TBX21: variants seen among roughly 807,000 people sequenced by gnomAD.
TBX21 encodes T-box transcription factor TBX21.
A neutral mutation model predicts 52.2 loss-of-function variants in TBX21; 11 were observed. The ratio of observed to expected loss-of-function variants is 0.21; its 90% confidence interval spans 0.13 to 0.35. The LOEUF (loss-of-function observed/expected upper bound fraction) is 0.35. Ranked by LOEUF, TBX21 falls within the 10% of genes least tolerant of loss-of-function variation. TBX21 has a pLI of 1.00. For synonymous variants in TBX21, 300 were observed against 316.1 expected (o/e 0.95, Z 0.54); for missense variants, 625 against 755.1 (o/e 0.83, Z 2.02).
rs377572677 is a variant in TBX21, at chr17:47,744,871, C to T, written c.1113C>T (p.Pro371=). 33 of 1,614,118 alleles carry T rather than the reference C, an allele frequency of 2.0e-5. No homozygotes were observed. The highest frequency in any genetic ancestry group is 8.3e-5 in the Admixed American group (5 of 60,006). Residue 371 remains proline (P), a synonymous_variant, in exon 6 of 6, where the codon CCC becomes CCT. Coordinates refer to ENST00000177694, the MANE Select transcript of TBX21 (RefSeq NM_013351.2). The part of the protein sequence containing the change: ...NQYPVPSRFY[P]DLPGQAKDVV... ...ATCCTGTTCCCAGCCGCTTCTACCCCGACCTTCCTGGCCAGGCGAAGGATG... is the reference window on the plus strand; with the variant it reads ...ATCCTGTTCCCAGCCGCTTCTACCCTGACCTTCCTGGCCAGGCGAAGGATG...
intron 1 of TBX21, among the ~76,000 whole-genome samples, chr17:47,736,399 A>G (rs1167985070): frequency 6.6e-6 from 1 of 152,154 alleles, no homozygotes; most frequent in South Asian, 2.1e-4. Context: ...TTTAAAATGA[A>G]TGCATTACCA....
At chr17:47,734,304 C>G (rs1035266033) in intron 1 of TBX21, among the ~76,000 whole-genome samples, 3 of 152,134 alleles carry the variant, frequency 2.0e-5, no homozygotes, top group African/African-American at 7.2e-5. Context: ...AGCCTGTGCT[C>G]TGGGCGGACA....
At chr17:47,734,528 C>T (rs1213319834) in intron 1 of TBX21, among the ~76,000 whole-genome samples, 1 of 144,230 alleles carries the variant, frequency 6.9e-6, no homozygotes, top group Non-Finnish European at 1.5e-5. Context: ...GTTTCCTTTC[C>T]GGTCTTACTT....
Position 47,744,929 on chromosome 17 carries a change from C to T in TBX21, c.1171C>T (p.Arg391Trp), listed in dbSNP as rs778987598. 27 of 1,614,014 alleles carry T rather than the reference C, an allele frequency of 1.7e-5. No homozygotes were observed. The highest frequency in any genetic ancestry group is 4.5e-5 in the East Asian group (2 of 44,882). Residue 391 changes from arginine (R) to tryptophan (W), a missense_variant, in exon 6 of 6, where the codon CGG becomes TGG. By Grantham distance (101) the Arg-to-Trp change is moderately radical. This residue lies in a region of TBX21 where 261 missense variants were observed against 275.1 expected (regional missense o/e 0.95). Coordinates refer to ENST00000177694, the MANE Select transcript of TBX21 (RefSeq NM_013351.2). ...VPQAYWLGAPRDHSYEAEFRA... is the reference protein window; with the variant it reads ...VPQAYWLGAPWDHSYEAEFRA... ...CCAGGCTTACTGGCTGGGGGCCCCC[C>T]GGGACCACAGCTATGAGGCTGAGTT...
intron 3 of TBX21, 118 bp from the exon 4 acceptor site, chr17:47,744,077 T>A: frequency 7.7e-7 from 1 of 1,295,058 alleles, no homozygotes; most frequent in Non-Finnish European, 1.1e-6. Flanking sequence ...AGCAGGGGAA[T>A]GGACAGGATG....
intron 1 of TBX21, among the ~76,000 whole-genome samples, chr17:47,734,515 C>T (rs925898059): frequency 2.8e-5 from 4 of 145,302 alleles, no homozygotes; most frequent in African/African-American, 1.0e-4. Flanking sequence ...AAGCAGTCGC[C>T]AAGTTTCCTT....
Position 47,744,256 on chromosome 17 carries a change from A to T in TBX21, c.830A>T (p.Asp277Val). 6.2e-7 allele frequency: 1 copy of T among 1,614,226 alleles called. No homozygotes were observed. Among genetic ancestry groups the T allele is most frequent in the Non-Finnish European group, 8.5e-7 (1 of 1,180,040 alleles). Residue 277 changes from aspartate to valine, a missense_variant, in exon 4 of 6, where the codon GAC becomes GTC. Asp to Val is a radical substitution (Grantham distance 152). Transcript: ENST00000177694. ...CGGCTGCATATCGTTGAGGTGAACG[A>T]CGGAGAGCCAGAGGCAGCCTGCAAC... ...QPRLHIVEVN[D>V]GEPEAACNAS...
Position 47,733,807 on chromosome 17 carries a change from A to T in TBX21, c.353A>T (p.Tyr118Phe). 1.3e-6 allele frequency: 2 copies of T among 1,591,286 alleles called. No homozygotes were observed. The highest frequency in any genetic ancestry group is 1.7e-6 in the Non-Finnish European group (2 of 1,170,016). Reference sequence around the variant, plus strand: ...GCCCCGGACCCGCGCGCCGGGCTCTACCCGGGGCCGCGTGAGGACTACGCG... The same window carrying T: ...GCCCCGGACCCGCGCGCCGGGCTCTTCCCGGGGCCGCGTGAGGACTACGCG... Reference protein sequence around the residue: ...YAAPDPRAGLYPGPREDYALP... With the variant: ...YAAPDPRAGLFPGPREDYALP... The change falls in exon 1 of 6, where the codon TAC (tyrosine) becomes TTC (phenylalanine). Residue 118 changes from tyrosine (Y) to phenylalanine (F), a missense_variant. Physicochemically the swap from Tyr to Phe is conservative, Grantham distance 22. Coordinates refer to ENST00000177694, the MANE Select transcript of TBX21 (RefSeq NM_013351.2). The surrounding 1 kb of genome is among the most constrained non-coding windows in gnomAD (Gnocchi z 6.6).
Position 47,733,697 on chromosome 17 carries a change from C to A in TBX21, c.243C>A (p.Pro81=). 6 of 1,421,568 alleles carry A rather than the reference C, an allele frequency of 4.2e-6. No homozygotes were observed. The highest frequency in any genetic ancestry group is 5.5e-6 in the Non-Finnish European group (6 of 1,088,790). 88.1% of individuals were successfully genotyped at this position (1,421,568 alleles called of 1,614,324 possible). ...FLGAYAYPPR[P]QAAGFPGAGE... Reference sequence around the variant, plus strand: ...GAGCCTACGCCTACCCGCCGCGACCCCAGGCGGCCGGCTTCCCCGGCGCGG... The same window carrying A: ...GAGCCTACGCCTACCCGCCGCGACCACAGGCGGCCGGCTTCCCCGGCGCGG... Residue 81 remains proline, a synonymous_variant, in exon 1 of 6, where the codon CCC becomes CCA. Transcript: ENST00000177694. This position sits in a 1 kb window ranked among gnomAD's most constrained non-coding sequence, Gnocchi z 6.6.
chr17:47,738,836 G>C (rs1448212969), intron 1 of TBX21, among the ~76,000 whole-genome samples: 1 of 151,986 alleles, frequency 6.6e-6, no homozygotes, highest in East Asian at 1.9e-4. Context: ...CCTGACCTCA[G>C]GTGATCCACC....
rs768130755 is a variant in TBX21 at position 47,745,237 on chromosome 17, C to T, written c.1479C>T (p.Gly493=). Residue 493 remains glycine (G), a synonymous_variant, in exon 6 of 6, where the codon GGC becomes GGT. Transcript: ENST00000177694. ...CGGAATCCAGTGATTCAGGACTGGG[C>T]GAAGGAGACTCTAAGAGGAGGCGCG... ...IRPESSDSGL[G]EGDSKRRRVS... 9.9e-6 allele frequency: 16 copies of T among 1,614,198 alleles called. No homozygotes were observed. The highest frequency in any genetic ancestry group is 6.7e-5 in the African/African-American group (5 of 75,044).
In TBX21 at chr17:47,742,578, TG is replaced by T. The variant is rs775957809; in HGVS notation, c.492-29del. 79 of 1,565,690 alleles carry T rather than the reference TG, an allele frequency of 5.0e-5. No homozygotes were observed. Among genetic ancestry groups the T allele is most frequent in the Non-Finnish European group, 5.6e-5 (65 of 1,151,352 alleles). ...GGACTGGCTGTCAAGCTGGAGCTGA[TG>T]GGTGCTGGGGGCTTTCTCTCTTCTC... On this transcript the variant is annotated intron_variant, in intron 1 of 5. Transcript: ENST00000177694. The surrounding 1 kb of genome is among the most constrained non-coding windows in gnomAD (Gnocchi z 4.4).
At chr17:47,741,422 C>G (rs191410108) in intron 1 of TBX21, among the ~76,000 whole-genome samples, 2 of 152,188 alleles carry the variant, frequency 1.3e-5, no homozygotes, top group African/African-American at 2.4e-5. Context: ...ATCTGTTACT[C>G]TGGCACAACA....
intron 3 of TBX21, 81 bp downstream of exon 3, chr17:47,743,273 G>A (rs2032288072): frequency 3.2e-6 from 5 of 1,552,700 alleles, no homozygotes; most frequent in South Asian, 2.4e-5. Context: ...AGGGTCCTGC[G>A]GGGCCAGTTT....
At chr17:47,734,622 G>GTGT (rs1567918990) in intron 1 of TBX21, among the ~76,000 whole-genome samples, 109 of 99,474 alleles carry the variant, frequency 1.1e-3, no homozygotes, top group African/African-American at 1.4e-3. Flanking sequence ...TGTGTGTGTG[G>GTGT]GTGTGTGTGT....
rs1344861742 is a variant in TBX21 at position 47,742,781 on chromosome 17, G to A, written c.646+17G>A. ...GCATGCCAGGTGCGCGCGCCCCTGG[G>A]AGCGGTGGGCTCTGTTTCGCTGGGA... On this transcript the variant is annotated intron_variant, in intron 2 of 5. Coordinates refer to ENST00000177694, the MANE Select transcript of TBX21 (RefSeq NM_013351.2). The surrounding 1 kb of genome is among the most constrained non-coding windows in gnomAD (Gnocchi z 4.4). 6.4e-7 allele frequency: 1 copy of A among 1,551,562 alleles called. No homozygotes were observed. Among genetic ancestry groups the A allele is most frequent in the Non-Finnish European group, 8.7e-7 (1 of 1,147,338 alleles).
rs569935919 is a variant in TBX21, at chr17:47,744,273, G to A, written c.847G>A (p.Ala283Thr). The A allele has an allele frequency of 6.2e-7, 1 of 1,614,222 alleles. No individual in the cohort carries two copies. The highest frequency in any genetic ancestry group is 1.3e-5 in the African/African-American group (1 of 75,054). Residue 283 changes from alanine (A) to threonine (T), a missense_variant, in exon 4 of 6, where the codon GCC (alanine) becomes ACC (threonine). By Grantham distance (58) the Ala-to-Thr change is moderately conservative. This residue lies in a region of TBX21 where 142 missense variants were observed against 258.5 expected (regional missense o/e 0.55). Coordinates refer to ENST00000177694, the MANE Select transcript of TBX21 (RefSeq NM_013351.2). The stretch of plus-strand genomic sequence containing the variant: ...GGTGAACGACGGAGAGCCAGAGGCA[G>A]CCTGCAACGCTTCCAACACGCATAT... The part of the protein sequence containing the change: ...VEVNDGEPEA[A>T]CNASNTHIFT...
At chr17:47,735,831 C>A (rs1167641385) in intron 1 of TBX21, among the ~76,000 whole-genome samples, 1 of 152,222 alleles carries the variant, frequency 6.6e-6, no homozygotes, top group East Asian at 1.9e-4. Flanking sequence ...GGCCTCTTAA[C>A]CTTCCACTCT....
chr17:47,736,738 A>C (rs1261256870), intron 1 of TBX21, among the ~76,000 whole-genome samples: 1 of 152,132 alleles, frequency 6.6e-6, no homozygotes, highest in Non-Finnish European at 1.5e-5. Flanking sequence ...CTCTCAAAAC[A>C]GGCTTTTGGG....
Sources: gnomAD v4.1 joint callset for allele counts (sites outside exome capture counted in the v4.1 genomes callset) on GRCh38, gnomAD v4.1.1 for gene constraint, gnomAD v4.1.1 regional missense constraint, Gnocchi (gnomAD v3.1) non-coding constraint, MANE v1.5 for transcripts, NCBI Gene and HGNC (gene_info 2026-07-23, HGNC 2026-07-21) for gene names.